Variants in IRGM observed in about 807,000 individuals in gnomAD.
IRGM encodes the protein immunity related GTPase M, also known as immunity-related GTPase family M protein.
For missense variants in IRGM, 288 were observed against 219.9 expected, an observed-to-expected ratio of 1.31 and a Z score of -1.96; for synonymous variants, 98 against 80.6, an observed-to-expected ratio of 1.22 and a Z score of -1.16.
At chr5:150,887,873 A>C (rs902229072) in intron 3 of IRGM, among the ~76,000 whole-genome samples, 5 of 151,988 alleles carry the variant, frequency 3.3e-5, no homozygotes, top group Non-Finnish European at 5.9e-5. Flanking sequence ...AAATACAGAG[A>C]CCAGTAACAC....
chr5:150,896,646 A>G (rs1289130324), intron 3 of IRGM: 2 of 1,613,454 alleles, frequency 1.2e-6, no homozygotes, highest in Non-Finnish European at 1.7e-6. Flanking sequence ...CGGTAGGTCA[A>G]TATTTGGTTT....
At chr5:150,876,496 G>T (rs1754364754) in intron 1 of IRGM, among the ~76,000 whole-genome samples, 2 of 152,296 alleles carry the variant, frequency 1.3e-5, no homozygotes, top group Non-Finnish European at 2.9e-5. Flanking sequence ...TAAGTCAACA[G>T]GCTAAGAAGG....
chr5:150,880,319 G>A (rs1210391640), intron 3 of IRGM, among the ~76,000 whole-genome samples: 1 of 152,156 alleles, frequency 6.6e-6, no homozygotes, highest in African/African-American at 2.4e-5. Context: ...TTAAGTGTCT[G>A]TGGGTATATC....
At chr5:150,861,262 A>G (rs944126181) in intron 1 of IRGM, among the ~76,000 whole-genome samples, 51 of 152,300 alleles carry the variant, frequency 3.3e-4, no homozygotes, top group African/African-American at 1.2e-3. Context: ...GTACTCCCTC[A>G]TGTAGCCTCT....
chr5:150,869,772 C>T lies in IRGM; in HGVS notation c.159-8208C>T, dbSNP rs182178409. The stretch of plus-strand genomic sequence containing the variant: ...GCTCATGAGGCACCCACTTATCAAG[C>T]TTTTTCACCTTTCCAATTTGCTTCA... On this transcript the variant is annotated intron_variant and NMD_transcript_variant, in intron 1 of 3. Transcript: ENST00000520549. Among the ~76,000 whole-genome samples, 502 of 152,178 alleles carry T rather than the reference C, an allele frequency of 3.3e-3. 3 individuals are homozygous for T. Among genetic ancestry groups the T allele is most frequent in the African/African-American group, 0.011 (476 of 41,528 alleles).
chr5:150,856,170 T>C (rs1275735858), intron 1 of IRGM, among the ~76,000 whole-genome samples: 1 of 152,166 alleles, frequency 6.6e-6, no homozygotes, highest in Non-Finnish European at 1.5e-5. Context: ...TGGCGGCTCA[T>C]ACCTGTAATC....
chr5:150,869,582 G>T (rs952316619), intron 1 of IRGM, among the ~76,000 whole-genome samples: 11 of 152,140 alleles, frequency 7.2e-5, no homozygotes, highest in Admixed American at 2.6e-4. Flanking sequence ...ATATCTGAAA[G>T]AATTTAACTG....
chr5:150,871,468 C>T (rs1754280619), intron 1 of IRGM, among the ~76,000 whole-genome samples: 1 of 152,286 alleles, frequency 6.6e-6, no homozygotes, highest in South Asian at 2.1e-4. Context: ...TGATCAAACT[C>T]TGTTTTGTTC....
chr5:150,892,724 T>TA lies in IRGM; in HGVS notation c.*141-7865_*141-7864insA, dbSNP rs557724491. Among the ~76,000 whole-genome samples the TA allele has an allele frequency of 3.5e-3, 530 of 152,178 alleles. 4 individuals are homozygous for TA. Among genetic ancestry groups the TA allele is most frequent in the African/African-American group, 0.012 (501 of 41,550 alleles). On this transcript the variant is annotated intron_variant and NMD_transcript_variant, in intron 3 of 3. Coordinates refer to the IRGM transcript ENST00000520549. ...TGAGGAGGCTGCCCTTTATTCCCAG[T>TA]TTACTTAAAGGTTTATTATTTTTTC...
intron 1 of IRGM, among the ~76,000 whole-genome samples, chr5:150,872,317 G>A (rs941840725): frequency 1.8e-4 from 28 of 152,200 alleles, no homozygotes; most frequent in Admixed American, 9.2e-4. Context: ...CCTGACCCAC[G>A]CTGCCATCAG....
chr5:150,859,881 C>T (rs925069521), intron 1 of IRGM, among the ~76,000 whole-genome samples: 6 of 151,996 alleles, frequency 3.9e-5, no homozygotes, highest in Non-Finnish European at 7.4e-5. Context: ...AAAAATGGAT[C>T]CATCCATTTT....
downstream of IRGM, among the ~76,000 whole-genome samples, chr5:150,852,873 T>C (rs1753996048): frequency 6.6e-6 from 1 of 152,146 alleles, no homozygotes; most frequent in Non-Finnish European, 1.5e-5. Context: ...TATTGTTGAA[T>C]TTCTAATAGA....
chr5:150,848,057 T>C lies in IRGM; in HGVS notation c.-67T>C. ...ACCTCGTGATCTGCTCGCCTCGGCC[T>C]TCCAAAGTGCTGGGATTACAGGCAT... is the stretch of plus-strand genomic sequence containing the variant. On this transcript the variant is annotated 5_prime_UTR_variant, in exon 2 of 2. Transcript: ENST00000522154. 2 of 1,316,046 alleles carry C rather than the reference T, an allele frequency of 1.5e-6. No individual in the cohort carries two copies. The highest frequency in any genetic ancestry group is 2.5e-5 in the East Asian group (1 of 39,578). The allele number at this position is 1,316,046 out of a possible 1,614,324, so 81.5% of individuals were successfully genotyped here.
intron 1 of IRGM, among the ~76,000 whole-genome samples, chr5:150,866,918 CTTAT>C (rs1333215875): frequency 1.3e-5 from 2 of 151,602 alleles, no homozygotes; most frequent in East Asian, 1.9e-4. Flanking sequence ...ATTTTTTTTG[CTTAT>C]TTGTTTTATT....
chr5:150,876,556 C>G (rs1214121856), intron 1 of IRGM, among the ~76,000 whole-genome samples: 3 of 152,138 alleles, frequency 2.0e-5, no homozygotes, highest in Non-Finnish European at 2.9e-5. Flanking sequence ...AAGATGAAAT[C>G]AGTCTACTAC....
chr5:150,880,708 C>T (rs1487835302), intron 3 of IRGM, among the ~76,000 whole-genome samples: 2 of 152,196 alleles, frequency 1.3e-5, no homozygotes, highest in Non-Finnish European at 2.9e-5. Context: ...ATAACTTTCA[C>T]TTTTCATGTG....
chr5:150,865,058 A>T (rs775924036), intron 1 of IRGM, among the ~76,000 whole-genome samples: 4 of 152,226 alleles, frequency 2.6e-5, no homozygotes, highest in Non-Finnish European at 4.4e-5. Flanking sequence ...TGTGATGCAT[A>T]CCATCTACCA....
intron 3 of IRGM, among the ~76,000 whole-genome samples, chr5:150,883,751 G>T (rs1754477967): frequency 6.6e-6 from 1 of 151,706 alleles, no homozygotes; most frequent in Non-Finnish European, 1.5e-5. Context: ...GTAAGAAAAA[G>T]TCTCCCACCA....
chr5:150,863,674 A>AG (rs1301623740), intron 1 of IRGM, among the ~76,000 whole-genome samples: 1 of 152,044 alleles, frequency 6.6e-6, no homozygotes, highest in Non-Finnish European at 1.5e-5. Context: ...TATTCCCAAC[A>AG]GGGTATGGGG....
Sources: gnomAD v4.1 joint callset for allele counts (sites outside exome capture counted in the v4.1 genomes callset) on GRCh38, gnomAD v4.1.1 for gene constraint, MANE v1.5 for transcripts, NCBI Gene and HGNC (gene_info 2026-07-23, HGNC 2026-07-21) for gene names.